Variants in AGAP9 observed in about 807,000 individuals in gnomAD.
AGAP9 encodes arf-GAP with GTPase, ANK repeat and PH domain-containing protein 9.
Under a neutral mutation model 55.6 loss-of-function variants are expected in AGAP9, and 23 were observed. The ratio of observed to expected loss-of-function variants is 0.41; its 90% CI spans 0.30 to 0.59. AGAP9 has a LOEUF of 0.59. Among genes scored for constraint, AGAP9 ranks in the 20% least tolerant of loss-of-function variants. The pLI is 0.25. For missense variants in AGAP9, 309 were observed against 808.1 expected (o/e 0.38, Z 7.49); for synonymous variants, 120 against 305.0 (o/e 0.39, Z 6.32).
rs1332241292 is a variant in AGAP9 at position 47,502,492 on chromosome 10, C to T, written c.1637G>A (p.Gly546Glu). Residue 546 changes from glycine to glutamate, a missense_variant, in exon 8 of 8, where the codon GGG becomes GAG. Gly to Glu is a moderately conservative substitution (Grantham distance 98). Coordinates refer to ENST00000452145, the MANE Select transcript of AGAP9 (RefSeq NM_001190810.1). Reference sequence around the variant, plus strand: ...GGGTTTTGTCTGCCCCTGGCTGCTCCCTTCCCAGATGCTGTTGGCTAGCTC... The same window carrying T: ...GGGTTTTGTCTGCCCCTGGCTGCTCTCTTCCCAGATGCTGTTGGCTAGCTC... ...GNELANSIWE[G>E]SSQGQTKPSI... The T allele has an allele frequency of 5.6e-6, 9 of 1,613,042 alleles. No individual in the cohort carries two copies. The highest frequency in any genetic ancestry group is 6.8e-6 in the Non-Finnish European group (8 of 1,179,988).
chr10:47,516,702 G>GC lies in AGAP9; in HGVS notation c.396+1120dup, dbSNP rs1840721946. Reference sequence around the variant, plus strand: ...GGATGACAAAAGGCCAAAGAAAGTTGCCCCCCACACACACATAAAAAGGAA... The same window carrying GC: ...GGATGACAAAAGGCCAAAGAAAGTTGCCCCCCCACACACACATAAAAAGGAA... On this transcript the variant is annotated intron_variant, in intron 4 of 7. Transcript: ENST00000452145. Among the ~76,000 whole-genome samples the GC allele has an allele frequency of 2.2e-5, 3 of 133,750 alleles. 1 individual carries two copies. Among genetic ancestry groups the GC allele is most frequent in the Non-Finnish European group, 4.7e-5 (3 of 64,406 alleles). The allele number at this position is 133,750 out of a possible 152,430, so 87.7% of individuals were successfully genotyped here.
chr10:47,521,985 C>A (rs1840854934), intron 2 of AGAP9, among the ~76,000 whole-genome samples: 1 of 150,866 alleles, frequency 6.6e-6, no homozygotes, highest in African/African-American at 2.5e-5. Context: ...CAGCGTTTCA[C>A]CATGTTGGCC....
At chr10:47,516,075 C>A (rs1840710539) in intron 4 of AGAP9, among the ~76,000 whole-genome samples, 1 of 114,030 alleles carries the variant, frequency 8.8e-6, no homozygotes, top group Admixed American at 9.3e-5. Flanking sequence ...CACAGAATAT[C>A]CCAGAACTAG....
At chr10:47,511,167 TCTC>T (rs1241312276) in intron 4 of AGAP9, among the ~76,000 whole-genome samples, 6 of 135,088 alleles carry the variant, frequency 4.4e-5, no homozygotes, top group African/African-American at 1.5e-4. Flanking sequence ...ATGGTCTCGA[TCTC>T]CTCACCTCGT....
At position 47,502,478 on chromosome 10, in the gene AGAP9, G is replaced by C; in HGVS notation, c.1651C>G (p.Gln551Glu). The change falls in exon 8 of 8, where the codon CAG becomes GAG. Residue 551 changes from glutamine (Q) to glutamate (E), a missense_variant. Gln to Glu is a conservative substitution (Grantham distance 29). Transcript: ENST00000452145. The part of the protein sequence containing the change: ...NSIWEGSSQG[Q>E]TKPSIKSTRE... ...GTGGACTTTATTGAGGGTTTTGTCT[G>C]CCCCTGGCTGCTCCCTTCCCAGATG... 1 of 1,612,990 alleles carries C rather than the reference G, an allele frequency of 6.2e-7. No individual in the cohort carries two copies. The highest frequency in any genetic ancestry group is 8.5e-7 in the Non-Finnish European group (1 of 1,179,958).
chr10:47,506,196 C>G (rs1191312122), intron 6 of AGAP9, among the ~76,000 whole-genome samples: 1 of 126,542 alleles, frequency 7.9e-6, no homozygotes, highest in African/African-American at 3.0e-5. Context: ...AAAATGCCAC[C>G]GTAACTAATT....
rs1174462276 is a variant in AGAP9 at position 47,502,396 on chromosome 10, G to A, written c.1733C>T (p.Ala578Val). The A allele has an allele frequency of 1.2e-5, 20 of 1,610,012 alleles. No homozygotes were observed. The African/African-American group carries it at 2.4e-4, about 20-fold the overall frequency. The change falls in exon 8 of 8, where the codon GCC becomes GTC. Residue 578 changes from alanine to valine, a missense_variant. Coordinates refer to ENST00000452145, the MANE Select transcript of AGAP9 (RefSeq NM_001190810.1). ...RSKYEEKLFL[A>V]PLPCTELSLG... Reference sequence around the variant, plus strand: ...GGACAGCTCAGTGCAGGGTAGTGGGGCCAGAAAGAGCTTCTCCTCATATTT... The same window carrying A: ...GGACAGCTCAGTGCAGGGTAGTGGGACCAGAAAGAGCTTCTCCTCATATTT...
Position 47,502,928 on chromosome 10 carries a change from T to C in AGAP9, c.1201A>G (p.Lys401Glu), listed in dbSNP as rs1840384857. The C allele has an allele frequency of 6.2e-7, 1 of 1,602,852 alleles. No homozygotes were observed. The highest frequency in any genetic ancestry group is 1.1e-5 in the South Asian group (1 of 90,728). ...PPPSPHANKK[K>E]HLKKKSTNNF... ...TTGGTGCTTTTCTTCTTTAGGTGTT[T>C]CTTTTTATTGGCATGAGGAGAGGGG... is the stretch of plus-strand genomic sequence containing the variant. The change falls in exon 8 of 8, where the codon AAA becomes GAA. Residue 401 changes from lysine (K) to glutamate (E), a missense_variant. Lys to Glu is a moderately conservative substitution (Grantham distance 56). Transcript: ENST00000452145.
In AGAP9 at chr10:47,510,231, G is replaced by C; in HGVS notation, c.437C>G (p.Ser146Trp). Residue 146 changes from serine to tryptophan, a missense_variant, in exon 5 of 8, where the codon TCG (serine) becomes TGG (tryptophan). Ser to Trp is a radical substitution (Grantham distance 177). Coordinates refer to ENST00000452145, the MANE Select transcript of AGAP9 (RefSeq NM_001190810.1). ...ERFSQQYSSC[S>W]TIFLDDSTAI... ...TGTGCTGTCATCAAGGAATATTGTC[G>C]AACACGAGCTGTATTGTTGACTGAA... The C allele has an allele frequency of 6.9e-7, 1 of 1,440,302 alleles. No homozygotes were observed. The highest frequency in any genetic ancestry group is 1.2e-5 in the South Asian group (1 of 81,948). The allele number at this position is 1,440,302 out of a possible 1,614,324, so 89.2% of individuals were successfully genotyped here. A position where few individuals can be genotyped will look rare whatever the true frequency, so the allele number is the denominator to read the frequency against.
intron 4 of AGAP9, among the ~76,000 whole-genome samples, chr10:47,515,899 C>T (rs1840707575): frequency 9.0e-6 from 1 of 111,430 alleles, no homozygotes; most frequent in Non-Finnish European, 1.8e-5. Context: ...ATAAAGCAGG[C>T]CAGGGACCAC....
In AGAP9 at chr10:47,502,206, C is replaced by A. The variant is rs1840364319; in HGVS notation, c.1923G>T (p.Gln641His). ...ACRKGNVVLE[Q>H]LLTGWTSWPE... ...GCCATGACGTCCACCCCGTCAGGAG[C>A]TGCTCCAGGACCACATTCCCCTTGC... Residue 641 changes from glutamine (Q) to histidine (H), a missense_variant, in exon 8 of 8, where the codon CAG becomes CAT. Transcript: ENST00000452145. The A allele has an allele frequency of 1.9e-6, 3 of 1,543,668 alleles. 1 individual carries two copies. Among genetic ancestry groups the A allele is most frequent in the Non-Finnish European group, 2.6e-6 (3 of 1,143,474 alleles).
At position 47,502,301 on chromosome 10, in the gene AGAP9, C is replaced by T. The variant is rs1160391101; in HGVS notation, c.1828G>A (p.Gly610Ser). Residue 610 changes from glycine (G) to serine (S), a missense_variant, in exon 8 of 8, where the codon GGC becomes AGC. Physicochemically the swap from Gly to Ser is moderately conservative, Grantham distance 56 (BLOSUM62 0). Transcript: ENST00000452145. Reference sequence around the variant, plus strand: ...GTCTCGTTCACCTCCTCACGGGAGCCATGTGCCAGCAGCAGGATGGCTGTC... The same window carrying T: ...GTCTCGTTCACCTCCTCACGGGAGCTATGTGCCAGCAGCAGGATGGCTGTC... ...LQTAILLLAH[G>S]SREEVNETCG... The T allele has an allele frequency of 6.2e-7, 1 of 1,602,166 alleles. No individual in the cohort carries two copies. Among genetic ancestry groups the T allele is most frequent in the Non-Finnish European group, 8.5e-7 (1 of 1,177,404 alleles).
chr10:47,502,532 AC>A lies in AGAP9; in HGVS notation c.1596del (p.Met532IlefsTer8). On this transcript the variant is annotated frameshift_variant, in exon 8 of 8. Coordinates refer to ENST00000452145, the MANE Select transcript of AGAP9 (RefSeq NM_001190810.1). LOFTEE classifies it high-confidence loss of function. ...TTGGCTAGCTCATTGCCAATAGATG[AC>A]ATAACCTTCCTGAGCTCAACTGGCC... ...DDWPVELRKV[M>X]SSIGNELANS... is the part of the protein sequence containing the mutation. 6.2e-7 allele frequency: 1 copy of A among 1,612,892 alleles called. No individual in the cohort carries two copies. Among genetic ancestry groups the A allele is most frequent in the South Asian group, 1.1e-5 (1 of 91,064 alleles).
intron 7 of AGAP9, among the ~76,000 whole-genome samples, chr10:47,503,787 A>G (rs1368762124): frequency 6.1e-4 from 82 of 133,836 alleles, no homozygotes; most frequent in Non-Finnish European, 1.1e-3. Context: ...AAAAAAAATT[A>G]GCTGGGCATG....
rs1404365419 is a variant in AGAP9, at chr10:47,507,798, C to T, written c.498-215G>A. 2.0e-4 allele frequency among the ~76,000 whole-genome samples: 21 copies of T among 107,148 alleles called. 1 individual carries two copies. Among genetic ancestry groups the T allele is most frequent in the South Asian group, 3.5e-4 (1 of 2,826 alleles). 70.3% of individuals were successfully genotyped at this position (107,148 alleles called of 152,430 possible). A position where few individuals can be genotyped will look rare whatever the true frequency, so the allele number is the denominator to read the frequency against. Reference sequence around the variant, plus strand: ...CAAGGAAATATGCCGTTAGAAGACGCGTTTCTGTTGGTGATTACAATATAT... The same window carrying T: ...CAAGGAAATATGCCGTTAGAAGACGTGTTTCTGTTGGTGATTACAATATAT... On this transcript the variant is annotated intron_variant, in intron 5 of 7. Coordinates refer to ENST00000452145, the MANE Select transcript of AGAP9 (RefSeq NM_001190810.1).
chr10:47,521,543 T>A (rs1263586956), intron 2 of AGAP9, among the ~76,000 whole-genome samples: 2 of 141,146 alleles, frequency 1.4e-5, no homozygotes, highest in African/African-American at 2.6e-5. Flanking sequence ...AGTAATGAAA[T>A]CTCTGGCATT....
In AGAP9 at chr10:47,503,125, G is replaced by A. The variant is rs1231194473; in HGVS notation, c.1004C>T (p.Thr335Ile). The change falls in exon 8 of 8, where the codon ACA (threonine) becomes ATA (isoleucine). Residue 335 changes from threonine to isoleucine, a missense_variant. Physicochemically the swap from Thr to Ile is moderately conservative, Grantham distance 89. Transcript: ENST00000452145. Reference protein sequence around the residue: ...NIHKKEIDLRTSTIKVPGKWP... With the variant: ...NIHKKEIDLRISTIKVPGKWP... ...CTTTCCTGGGACTTTGATGGTAGAT[G>A]TCCGAAGGTCAATCTCTTTTTTATG... is the stretch of plus-strand genomic sequence containing the variant. The A allele has an allele frequency of 7.4e-6, 12 of 1,610,968 alleles. No homozygotes were observed. The highest frequency in any genetic ancestry group is 1.4e-5 in the African/African-American group (1 of 73,944).
chr10:47,503,003 A>C lies in AGAP9; in HGVS notation c.1126T>G (p.Cys376Gly). The C allele has an allele frequency of 1.9e-6, 3 of 1,591,238 alleles. No homozygotes were observed. Among genetic ancestry groups the C allele is most frequent in the Non-Finnish European group, 2.6e-6 (3 of 1,168,948 alleles). ...GTGCTGGAGATACCGGGGCTGAAGC[A>C]TATGGAGTCACCCAGCCCGGTGTCC... ...DMDTGLGDSI[C>G]FSPGISSTTS... The change falls in exon 8 of 8, where the codon TGC becomes GGC. Residue 376 changes from cysteine to glycine, a missense_variant. Cys to Gly is a radical substitution (Grantham distance 159). Transcript: ENST00000452145.
At chr10:47,517,311 C>T (rs1338287012) in intron 4 of AGAP9, among the ~76,000 whole-genome samples, 6 of 78,448 alleles carry the variant, frequency 7.6e-5, no homozygotes, top group African/African-American at 3.1e-4. Flanking sequence ...TTCGCTCTGT[C>T]GCCCAGGCTG....
Sources: allele counts gnomAD v4.1 joint callset (sites outside exome capture counted in the v4.1 genomes callset), GRCh38; gene constraint gnomAD v4.1.1; transcripts MANE v1.5; gene names NCBI Gene and HGNC (gene_info 2026-07-23, HGNC 2026-07-21).